ZNF665: variants seen among roughly 807,000 people sequenced by gnomAD.
ZNF665 encodes zinc finger protein 665.
In ZNF665, 6 loss-of-function variants were observed where a neutral mutation model predicts 7.9. That is an observed-to-expected ratio of 0.76 (90% CI 0.42 to 1.50). The LOEUF is 1.50. ZNF665 is among the 40% of genes most tolerant of loss of function. ZNF665 has a pLI of 0.01. For synonymous variants in ZNF665, 242 were observed against 274.5 expected (o/e 0.88, Z 1.17); for missense variants, 819 against 806.7 (o/e 1.02, Z -0.18).
intron 2 of ZNF665, among the ~76,000 whole-genome samples, chr19:53,176,400 G>A (rs548496696): frequency 1.3e-5 from 2 of 152,264 alleles, no homozygotes; most frequent in African/African-American, 2.4e-5. Context: ...CACCCACAGA[G>A]GGCATGGAAG....
intron 1 of ZNF665, among the ~76,000 whole-genome samples, chr19:53,192,284 G>A (rs1201754444): frequency 6.6e-6 from 1 of 151,710 alleles, no homozygotes; most frequent in Non-Finnish European, 1.5e-5. Flanking sequence ...GGCACCCCCA[G>A]ATCCCAGGTC....
At position 53,165,394 on chromosome 19, in the gene ZNF665, G is replaced by C. The variant is rs570367652; in HGVS notation, c.1096C>G (p.Arg366Gly). 9 of 1,611,122 alleles carry C rather than the reference G, an allele frequency of 5.6e-6. No homozygotes were observed. The highest frequency in any genetic ancestry group is 1.7e-5 in the Admixed American group (1 of 59,722). ...TAAGGTTTCTCACCAGTATGAATTCGCCGATGCTTTGCAAGGTATGAATTG... is the reference window on the plus strand; with the variant it reads ...TAAGGTTTCTCACCAGTATGAATTCCCCGATGCTTTGCAAGGTATGAATTG... ...RHNSYLAKHR[R>G]IHTGEKPYKC... Residue 366 changes from arginine to glycine, a missense_variant, in exon 4 of 4, where the codon CGA (arginine) becomes GGA (glycine). Transcript: ENST00000396424.
Position 53,165,299 on chromosome 19 carries a change from G to A in ZNF665, c.1191C>T (p.Thr397=), listed in dbSNP as rs750246627. 302 of 1,612,372 alleles carry A rather than the reference G, an allele frequency of 1.9e-4. 2 individuals carry two copies. In the South Asian group the frequency reaches 2.9e-3, roughly 15 times the overall value. The change falls in exon 4 of 4, where the codon ACC becomes ACT. Residue 397 remains threonine (T), a synonymous_variant. Transcript: ENST00000396424. The part of the protein sequence containing the change: ...SNLTKHQIIH[T]GEKPFKCNEC... The stretch of plus-strand genomic sequence containing the variant: ...CATTACATTTGAAAGGCTTTTCTCC[G>A]GTATGGATGATCTGATGCTTAGTTA...
intron 1 of ZNF665, chr19:53,191,928 T>C (rs2090820282): frequency 6.6e-6 from 1 of 152,290 alleles, no homozygotes; most frequent in Non-Finnish European, 1.5e-5. Context: ...CCACCATGCA[T>C]CTGGGCCATA....
Position 53,165,527 on chromosome 19 carries a change from A to T in ZNF665, c.963T>A (p.Asn321Lys), listed in dbSNP as rs1009127707. The change falls in exon 4 of 4, where the codon AAT becomes AAA. Residue 321 changes from asparagine to lysine, a missense_variant. Asn to Lys is a moderately conservative substitution (Grantham distance 94). Coordinates refer to ENST00000396424, the MANE Select transcript of ZNF665 (RefSeq NM_024733.5). Reference sequence around the variant, plus strand: ...GAACACTAAAGGCTTTGCCACACTCATTACACTTGTAAGGCTTCTCCCCAG... The same window carrying T: ...GAACACTAAAGGCTTTGCCACACTCTTTACACTTGTAAGGCTTCTCCCCAG... Reference protein sequence around the residue: ...IHTGEKPYKCNECGKAFSVRS... With the variant: ...IHTGEKPYKCKECGKAFSVRS... 6.2e-7 allele frequency: 1 copy of T among 1,614,052 alleles called. No homozygotes were observed. The highest frequency in any genetic ancestry group is 8.5e-7 in the Non-Finnish European group (1 of 1,179,950).
chr19:53,193,033 T>C (rs1451551120), intron 1 of ZNF665, among the ~76,000 whole-genome samples: 1 of 152,148 alleles, frequency 6.6e-6, no homozygotes, highest in Non-Finnish European at 1.5e-5. Context: ...AGATGAGGAC[T>C]TCACAGGGCG....
At chr19:53,182,590 C>A (rs1351505501) in intron 2 of ZNF665, 3 of 723,032 alleles carry the variant, frequency 4.1e-6, no homozygotes, top group Non-Finnish European at 7.4e-6. Flanking sequence ...ATGTCCTGAA[C>A]AATCCCTGTT....
At chr19:53,192,981 A>G (rs1183421507) in intron 1 of ZNF665, among the ~76,000 whole-genome samples, 1 of 152,152 alleles carries the variant, frequency 6.6e-6, no homozygotes, top group East Asian at 1.9e-4. Flanking sequence ...GTAGCTGACT[A>G]GGGCGAGGTT....
intron 3 of ZNF665, among the ~76,000 whole-genome samples, chr19:53,169,918 T>C (rs2090644964): frequency 6.9e-6 from 1 of 145,220 alleles, no homozygotes; most frequent in African/African-American, 2.6e-5. Flanking sequence ...CACATTTTCT[T>C]AATCCAGTCT....
rs1599869391 is a variant in ZNF665, at chr19:53,165,613, TAC to T, written c.875_876del (p.Cys292Ter). Reference sequence around the variant, plus strand: ...TGAGTGAAGCACTTGCCACATTCCTTACATTTGTAAGGTTTTTCTCCAGTATG... The same window carrying T: ...TGAGTGAAGCACTTGCCACATTCCTTATTTGTAAGGTTTTTCTCCAGTATG... ...VIHTGEKPYK[C>X]KECGKCFTQN... is the part of the protein sequence containing the mutation. On this transcript the variant is annotated frameshift_variant, in exon 4 of 4. Transcript: ENST00000396424. LOFTEE classifies it low-confidence loss of function (END_TRUNC). 1 of 1,614,126 alleles carries T rather than the reference TAC, an allele frequency of 6.2e-7. No individual in the cohort carries two copies.
intron 2 of ZNF665, chr19:53,181,641 A>G (rs892574519): frequency 3.3e-5 from 5 of 152,218 alleles, no homozygotes; most frequent in African/African-American, 1.2e-4. Flanking sequence ...AGCAGCTCTC[A>G]TTAGACACAA....
Position 53,163,288 on chromosome 19 carries a change from C to T in ZNF665, c.*1165G>A, listed in dbSNP as rs1312776098. On this transcript the variant is annotated 3_prime_UTR_variant, in exon 4 of 4. Coordinates refer to ENST00000396424, the MANE Select transcript of ZNF665 (RefSeq NM_024733.5). The stretch of plus-strand genomic sequence containing the variant: ...CCTCAGGTGATCCACCCACCTTGGC[C>T]TCCCAAAGTGCTGGCATTACAGGCG... The T allele has an allele frequency of 6.6e-6, 1 of 152,264 alleles. No homozygotes were observed. Among genetic ancestry groups the T allele is most frequent in the Admixed American group, 6.6e-5 (1 of 15,264 alleles). The allele number at this position is 152,264 out of a possible 1,614,324, so 9.4% of individuals were successfully genotyped here. A position where few individuals can be genotyped will look rare whatever the true frequency, so the allele number is the denominator to read the frequency against.
At chr19:53,189,490 C>A (rs2090799003) in intron 1 of ZNF665, among the ~76,000 whole-genome samples, 2 of 146,658 alleles carry the variant, frequency 1.4e-5, no homozygotes, top group African/African-American at 2.5e-5. Flanking sequence ...CCCTTCCCTG[C>A]CTGGCAGCCG....
rs150612644 is a variant in ZNF665, at chr19:53,183,348, G to A, written c.-45-405C>T. On this transcript the variant is annotated intron_variant, in intron 1 of 3. Coordinates refer to ENST00000396424, the MANE Select transcript of ZNF665 (RefSeq NM_024733.5). Reference sequence around the variant, plus strand: ...TTCAGAAATGATCAGCAGTGCCCTGGTGCTCAATAGTAGATACAGAATAAC... The same window carrying A: ...TTCAGAAATGATCAGCAGTGCCCTGATGCTCAATAGTAGATACAGAATAAC... Among the ~76,000 whole-genome samples the A allele has an allele frequency of 2.6e-3, 395 of 152,240 alleles. 2 individuals carry two copies. Among genetic ancestry groups the A allele is most frequent in the African/African-American group, 8.7e-3 (362 of 41,544 alleles).
intron 2 of ZNF665, 59 bp from the exon 3 acceptor site, chr19:53,175,630 A>T (rs1388221105): frequency 1.3e-6 from 2 of 1,546,950 alleles, no homozygotes; most frequent in Non-Finnish European, 1.7e-6. Flanking sequence ...TCTTCACATA[A>T]AACAAGAAGA....
intron 1 of ZNF665, among the ~76,000 whole-genome samples, chr19:53,185,460 T>C (rs892120355): frequency 1.3e-5 from 2 of 152,094 alleles, no homozygotes; most frequent in African/African-American, 2.4e-5. Context: ...ATTATTATAA[T>C]ATTGGGATAA....
chr19:53,184,341 A>G (rs7255239), intron 1 of ZNF665, among the ~76,000 whole-genome samples: 1,806 of 152,272 alleles, frequency 0.012, 41 homozygotes, highest in African/African-American at 0.041. Context: ...AAATAATGTC[A>G]TATCTTCTCT....
At chr19:53,173,530 A>G (rs2090674811) in intron 3 of ZNF665, among the ~76,000 whole-genome samples, 1 of 151,094 alleles carries the variant, frequency 6.6e-6, no homozygotes, top group Admixed American at 6.6e-5. Context: ...GTGCACCACC[A>G]TGCCTGGCTA....
At chr19:53,172,056 A>T (rs748672982) in intron 3 of ZNF665, among the ~76,000 whole-genome samples, 7 of 152,118 alleles carry the variant, frequency 4.6e-5, no homozygotes, top group Non-Finnish European at 1.0e-4. Flanking sequence ...ACCCGGCCAG[A>T]TTTGTGTATT....
Sources: gnomAD v4.1 joint callset for allele counts (sites outside exome capture counted in the v4.1 genomes callset) on GRCh38, gnomAD v4.1.1 for gene constraint, MANE v1.5 for transcripts, NCBI Gene and HGNC (gene_info 2026-07-23, HGNC 2026-07-21) for gene names.